MED13L: variants seen among roughly 807,000 people sequenced by gnomAD.
MED13L encodes mediator of RNA polymerase II transcription subunit 13-like.
MED13L carries 7 observed loss-of-function variants against 220.9 expected under a neutral mutation model. The ratio of observed to expected loss-of-function variants is 0.03; its 90% CI spans 0.02 to 0.06. The LOEUF (loss-of-function observed/expected upper bound fraction) is 0.06, where lower values mean the gene tolerates loss of function less well. MED13L is among the 10% of genes least tolerant of loss of function. The pLI is 1.00. For missense variants in MED13L, 1,965 were observed against 2,760.5 expected, an observed-to-expected ratio of 0.71 and a Z score of 6.46; for synonymous variants, 1,011 against 1,015.2, an observed-to-expected ratio of 1.00 and a Z score of 0.08.
intron 4 of MED13L, among the ~76,000 whole-genome samples, chr12:116,061,423 C>T (rs1387263371): frequency 1.3e-5 from 2 of 152,120 alleles, no homozygotes; most frequent in Non-Finnish European, 2.9e-5. Flanking sequence ...ACTGAGTTTA[C>T]ATCTTACCTA....
rs558168747 is a variant in MED13L, at chr12:116,108,769, T to C, written c.395+2659A>G. Among the ~76,000 whole-genome samples the C allele has an allele frequency of 5.9e-5, 9 of 152,334 alleles. 4 individuals are homozygous for C. The highest frequency in any genetic ancestry group is 2.2e-4 in the African/African-American group (9 of 41,578). On this transcript the variant is annotated intron_variant, in intron 3 of 30. Transcript: ENST00000281928. ...GTAGGAGGGCTCAAATAGAGCATTC[T>C]GGAACTACTTTAATGAAATTTGAAA...
intron 1 of MED13L, among the ~76,000 whole-genome samples, chr12:116,265,514 C>T (rs1351918410): frequency 1.3e-5 from 2 of 152,174 alleles, no homozygotes; most frequent in Admixed American, 1.3e-4. Flanking sequence ...TGGATTATCT[C>T]CCGTTTTAGT....
chr12:116,062,962 T>C (rs547530317), intron 4 of MED13L, among the ~76,000 whole-genome samples: 47 of 152,348 alleles, frequency 3.1e-4, no homozygotes, highest in African/African-American at 1.1e-3. Context: ...TTTGCTGCTT[T>C]CTTCCAAAAT....
intron 2 of MED13L, among the ~76,000 whole-genome samples, chr12:116,121,064 G>A (rs1875051211): frequency 6.6e-6 from 1 of 152,044 alleles, no homozygotes; most frequent in South Asian, 2.1e-4. Flanking sequence ...AAACTATTTT[G>A]GCACTAAAGT....
intron 2 of MED13L, among the ~76,000 whole-genome samples, chr12:116,159,925 C>G (rs1454663435): frequency 6.6e-6 from 1 of 150,568 alleles, no homozygotes; most frequent in East Asian, 1.9e-4. Context: ...TAATGTGGTC[C>G]CAATGATTAC....
rs753204622 is a variant in MED13L, at chr12:115,983,079, G to A, written c.4955+38C>T. ...CAGAAGAAGAAGAGAGAAAGGGTCTGAGCTGAAGCCACTCATCTCAATTAG... is the reference window on the plus strand; with the variant it reads ...CAGAAGAAGAAGAGAGAAAGGGTCTAAGCTGAAGCCACTCATCTCAATTAG... On this transcript the variant is annotated intron_variant, in intron 21 of 30. Transcript: ENST00000281928. 3.7e-5 allele frequency: 59 copies of A among 1,602,628 alleles called. 1 individual carries two copies. The highest frequency in any genetic ancestry group is 4.9e-5 in the Non-Finnish European group (57 of 1,171,668).
intron 2 of MED13L, among the ~76,000 whole-genome samples, chr12:116,210,551 C>CTA (rs3043762): frequency 0.069 from 7,838 of 113,278 alleles, 285 homozygotes; most frequent in East Asian, 0.14. Context: ...AGAACGTAAC[C>CTA]TATATATATA....
At chr12:116,130,736 T>C (rs1875996710) in intron 2 of MED13L, among the ~76,000 whole-genome samples, 1 of 152,170 alleles carries the variant, frequency 6.6e-6, no homozygotes, top group South Asian at 2.1e-4. Flanking sequence ...CAACAGACAA[T>C]GCAAGCAATA....
At chr12:116,207,783 A>G (rs1197104800) in intron 2 of MED13L, among the ~76,000 whole-genome samples, 1 of 152,132 alleles carries the variant, frequency 6.6e-6, no homozygotes, top group Non-Finnish European at 1.5e-5. Flanking sequence ...TTTTAAAAAA[A>G]GAAAAAAAAA....
intron 11 of MED13L, chr12:116,007,184 A>G (rs1424852477): frequency 3.6e-5 from 21 of 582,320 alleles, no homozygotes; most frequent in Non-Finnish European, 6.5e-5. Flanking sequence ...AGCCTGGAAA[A>G]TATGAGGCTT....
At chr12:115,989,416 C>T (rs572761716) in intron 17 of MED13L, among the ~76,000 whole-genome samples, 2 of 152,106 alleles carry the variant, frequency 1.3e-5, no homozygotes, top group South Asian at 2.1e-4. Context: ...GATAGGCTCA[C>T]GCTTCTCTGC....
intron 3 of MED13L, among the ~76,000 whole-genome samples, chr12:116,106,061 G>C (rs1471952151): frequency 6.6e-6 from 1 of 152,160 alleles, no homozygotes; most frequent in Non-Finnish European, 1.5e-5. Context: ...GAGGGAAGAG[G>C]ATATAGTACT....
At chr12:116,193,150 A>C (rs1333016754) in intron 2 of MED13L, among the ~76,000 whole-genome samples, 1 of 151,854 alleles carries the variant, frequency 6.6e-6, no homozygotes, top group Non-Finnish European at 1.5e-5. Flanking sequence ...ACAACAACAA[A>C]AAAAACAAAA....
chr12:116,263,190 A>T (rs929315648), intron 1 of MED13L, among the ~76,000 whole-genome samples: 5 of 152,146 alleles, frequency 3.3e-5, no homozygotes, highest in Non-Finnish European at 7.4e-5. Flanking sequence ...TATGTAGCTA[A>T]ATTTTCCTAA....
chr12:116,183,016 G>A (rs771085489), intron 2 of MED13L, among the ~76,000 whole-genome samples: 5 of 151,828 alleles, frequency 3.3e-5, no homozygotes, highest in Non-Finnish European at 7.4e-5. Flanking sequence ...AAGAATGAAT[G>A]TATTTTTGCA....
intron 2 of MED13L, among the ~76,000 whole-genome samples, chr12:116,177,409 T>C (rs2138206806): frequency 6.6e-6 from 1 of 152,342 alleles, no homozygotes; most frequent in South Asian, 2.1e-4. Flanking sequence ...CTCAGAAATA[T>C]TCTTAGGTAA....
intron 2 of MED13L, among the ~76,000 whole-genome samples, chr12:116,142,358 T>G (rs777465388): frequency 6.6e-6 from 1 of 152,170 alleles, no homozygotes; most frequent in Non-Finnish European, 1.5e-5. Context: ...AGTAAGCATA[T>G]AGCAATAGTC....
intron 14 of MED13L, among the ~76,000 whole-genome samples, chr12:116,001,766 G>A (rs185306369): frequency 7.2e-5 from 11 of 152,252 alleles, no homozygotes; most frequent in Admixed American, 5.9e-4. Flanking sequence ...TTTATAACGT[G>A]CACTTTATCA....
intron 4 of MED13L, among the ~76,000 whole-genome samples, chr12:116,040,540 CT>C (rs756406407): frequency 1.6e-4 from 24 of 152,106 alleles, no homozygotes; most frequent in Non-Finnish European, 2.6e-4. Flanking sequence ...TAGTCATTGC[CT>C]TTCTTTGGAT....
Sources: gnomAD v4.1 joint callset for allele counts (sites outside exome capture counted in the v4.1 genomes callset) on GRCh38, gnomAD v4.1.1 for gene constraint, MANE v1.5 for transcripts, NCBI Gene and HGNC (gene_info 2026-07-23, HGNC 2026-07-21) for gene names.